The following UNK variants were observed in gnomAD, a reference collection of about 807,000 sequenced individuals.
The protein encoded by UNK is RING finger protein unkempt homolog.
In UNK, 32 loss-of-function variants were observed where a neutral mutation model predicts 97.6. The observed-to-expected ratio is 0.33, with a 90% confidence interval of 0.25 to 0.44. The LOEUF is 0.44. UNK is among the 20% of genes least tolerant of loss of function. The pLI is 1.00. For synonymous variants in UNK, 441 were observed against 461.2 expected (o/e 0.96, Z 0.56); for missense variants, 771 against 1,098.4 (o/e 0.70, Z 4.21).
intron 1 of UNK, among the ~76,000 whole-genome samples, chr17:75,803,655 T>G (rs1206949852): frequency 6.6e-6 from 1 of 152,234 alleles, no homozygotes; most frequent in African/African-American, 2.4e-5. Flanking sequence ...GTTATTGAAC[T>G]CTTAGCATCA....
At position 75,814,659 on chromosome 17, in the gene UNK, C is replaced by G. The variant is rs114098900; in HGVS notation, c.877-510C>G. 6.5e-3 allele frequency among the ~76,000 whole-genome samples: 996 copies of G among 152,264 alleles called. 12 individuals carry two copies. The highest frequency in any genetic ancestry group is 0.023 in the African/African-American group (970 of 41,544). The stretch of plus-strand genomic sequence containing the variant: ...GTGTGCCTAGGTCTTGTCTGGGGTT[C>G]AGAGAGGCACCTGCAGTCCCTGCCC... On this transcript the variant is annotated intron_variant, in intron 6 of 15. Transcript: ENST00000589666.
Position 75,813,047 on chromosome 17 carries a change from C to T in UNK, c.623-31C>T, listed in dbSNP as rs1328964437. ...TCTTGGGGTGCTCCAGCTCCTCTCACCTGACCCCTGCCCTCTGGCCCCCTG... is the reference window on the plus strand; with the variant it reads ...TCTTGGGGTGCTCCAGCTCCTCTCATCTGACCCCTGCCCTCTGGCCCCCTG... On this transcript the variant is annotated intron_variant, in intron 4 of 15. Coordinates refer to ENST00000589666, the MANE Select transcript of UNK (RefSeq NM_001080419.3). 7.0e-6 allele frequency: 11 copies of T among 1,564,084 alleles called. No individual in the cohort carries two copies. In the South Asian group the frequency reaches 1.1e-4, roughly 15 times the overall value.
At position 75,817,442 on chromosome 17, in the gene UNK, G is replaced by C; in HGVS notation, c.1221G>C (p.Leu407=). The C allele has an allele frequency of 6.2e-7, 1 of 1,613,336 alleles. No homozygotes were observed. The highest frequency in any genetic ancestry group is 1.3e-5 in the African/African-American group (1 of 75,056). ...EGIVFPGESG[L]APGSYKKAPG... ...TCGTCTTCCCTGGGGAGTCTGGCCT[G>C]GCCCCTGGCAGCTATAAGAAGGCTC... The change falls in exon 9 of 16, where the codon CTG becomes CTC. Residue 407 remains leucine (L), a synonymous_variant. Coordinates refer to ENST00000589666, the MANE Select transcript of UNK (RefSeq NM_001080419.3). The surrounding 1 kb of genome is among the most constrained non-coding windows in gnomAD (Gnocchi z 5.8).
chr17:75,805,064 C>A (rs1375723871), intron 1 of UNK, among the ~76,000 whole-genome samples: 1 of 151,286 alleles, frequency 6.6e-6, no homozygotes, highest in Non-Finnish European at 1.5e-5. Context: ...GCCTGTAATC[C>A]CAGCTACTTG....
chr17:75,813,333 C>T (rs1302482768), intron 5 of UNK, 120 bp downstream of exon 5: 21 of 1,373,882 alleles, frequency 1.5e-5, no homozygotes, highest in Non-Finnish European at 1.6e-5. Context: ...ATGACAGGAT[C>T]GCAAGCCCAG....
At chr17:75,812,425 C>T in intron 3 of UNK, 30 bp from the exon 4 acceptor site, 1 of 1,601,266 alleles carries the variant, frequency 6.2e-7, no homozygotes, top group Non-Finnish European at 8.5e-7. Context: ...GCCCCCTCTC[C>T]ACCCTCTCTG....
rs375851812 is a variant in UNK, at chr17:75,824,321, G to A, written c.2337G>A (p.Val779=). The A allele has an allele frequency of 1.2e-6, 2 of 1,604,882 alleles. No homozygotes were observed. Among genetic ancestry groups the A allele is most frequent in the Non-Finnish European group, 1.7e-6 (2 of 1,176,934 alleles). Residue 779 remains valine, a synonymous_variant, in exon 16 of 16, where the codon GTG becomes GTA. Coordinates refer to ENST00000589666, the MANE Select transcript of UNK (RefSeq NM_001080419.3). This position sits in a 1 kb window ranked among gnomAD's most constrained non-coding sequence, Gnocchi z 4.9. ...CLKCQEQKRA[V]LPCQHAALCE... is the part of the protein sequence containing the mutation. ...AGTGTCAGGAACAGAAGCGGGCAGT[G>A]CTGCCGTGCCAACACGCTGCGCTGT...
intron 1 of UNK, among the ~76,000 whole-genome samples, chr17:75,800,174 T>TCCTCCTGCCTCAG (rs2061842921): frequency 6.6e-6 from 1 of 152,074 alleles, no homozygotes; most frequent in Non-Finnish European, 1.5e-5. Flanking sequence ...GCTCAAAGAA[T>TCCTCCTGCCTCAG]CCTCCTGCCT....
At chr17:75,823,799 G>A (rs535134963) in intron 15 of UNK, among the ~76,000 whole-genome samples, 13 of 152,318 alleles carry the variant, frequency 8.5e-5, no homozygotes, top group South Asian at 8.3e-4. Flanking sequence ...CCCCAAATGC[G>A]TCCTCCTGTA....
Position 75,819,080 on chromosome 17 carries a change from T to A in UNK, c.1546+264T>A, listed in dbSNP as rs1347989358. 1 of 406,482 alleles carries A rather than the reference T, an allele frequency of 2.5e-6. No homozygotes were observed. The highest frequency in any genetic ancestry group is 2.1e-5 in the African/African-American group (1 of 48,356). The allele number at this position is 406,482 out of a possible 1,614,324, so 25.2% of individuals were successfully genotyped here. ...GTGAGTACAGTCTCACCCCAAGACG[T>A]GTTGTTCAGTCCCCACTCATCTCAC... On this transcript the variant is annotated intron_variant, in intron 11 of 15. Transcript: ENST00000589666. The surrounding 1 kb of genome is among the most constrained non-coding windows in gnomAD (Gnocchi z 5.4).
intron 13 of UNK, 60 bp from the exon 14 acceptor site, chr17:75,822,417 C>T: frequency 1.3e-6 from 2 of 1,535,440 alleles, no homozygotes; most frequent in Non-Finnish European, 1.8e-6. Flanking sequence ...TGAGGCAGGG[C>T]TGGCCAGGGC....
At chr17:75,815,365 C>G in intron 7 of UNK, 112 bp downstream of exon 7, 1 of 985,572 alleles carries the variant, frequency 1.0e-6, no homozygotes, top group Non-Finnish European at 1.5e-6. Context: ...CACAGGAGTT[C>G]TGGCCTGCCA....
At chr17:75,806,140 T>G (rs992655339) in intron 1 of UNK, among the ~76,000 whole-genome samples, 2 of 150,968 alleles carry the variant, frequency 1.3e-5, no homozygotes, top group African/African-American at 2.4e-5. Context: ...GTCTAAAATA[T>G]TTACCATCTG....
chr17:75,822,333 T>C, intron 13 of UNK, 144 bp from the exon 14 acceptor site: 1 of 1,032,044 alleles, frequency 9.7e-7, no homozygotes, highest in Non-Finnish European at 1.4e-6. Context: ...TTCCTGTCCC[T>C]GCAAAATTCT....
At chr17:75,810,049 C>A in intron 2 of UNK, 80 bp downstream of exon 2, 1 of 1,540,874 alleles carries the variant, frequency 6.5e-7, no homozygotes, top group South Asian at 1.2e-5. Context: ...TGGGCAGATT[C>A]TGGGAAGCCA....
chr17:75,819,561 G>A lies in UNK; in HGVS notation c.1547-123G>A, dbSNP rs571083498. On this transcript the variant is annotated intron_variant, in intron 11 of 15. Transcript: ENST00000589666. This position sits in a 1 kb window ranked among gnomAD's most constrained non-coding sequence, Gnocchi z 5.4. ...AGGAAGCAGCTGAAGGAAGGGCACA[G>A]GGGCTTGGGAGAATACGGACCCAGC... 1.7e-5 allele frequency: 15 copies of A among 872,474 alleles called. No individual in the cohort carries two copies. Among genetic ancestry groups the A allele is most frequent in the South Asian group, 7.8e-5 (5 of 63,870 alleles). The allele number at this position is 872,474 out of a possible 1,614,324, so 54.0% of individuals were successfully genotyped here. A position where few individuals can be genotyped will look rare whatever the true frequency, so the allele number is the denominator to read the frequency against.
chr17:75,809,428 T>A (rs898718284), intron 1 of UNK, among the ~76,000 whole-genome samples: 4 of 152,192 alleles, frequency 2.6e-5, no homozygotes, highest in African/African-American at 9.7e-5. Context: ...GCCCTTTGCC[T>A]GTGATTAGTG....
chr17:75,790,403 G>C (rs1450611433), intron 1 of UNK, among the ~76,000 whole-genome samples: 1 of 152,158 alleles, frequency 6.6e-6, no homozygotes, highest in African/African-American at 2.4e-5. Context: ...AGCTGAGGCA[G>C]GAGGATCACT....
intron 13 of UNK, chr17:75,821,657 G>C (rs1264673839): frequency 4.4e-6 from 2 of 456,628 alleles, no homozygotes; most frequent in East Asian, 6.9e-5. Context: ...GGTTGGATTA[G>C]TGGGAAAGGG....
Sources: allele counts gnomAD v4.1 joint callset (sites outside exome capture counted in the v4.1 genomes callset), GRCh38; gene constraint gnomAD v4.1.1; non-coding constraint Gnocchi (gnomAD v3.1); transcripts MANE v1.5; gene names NCBI Gene and HGNC (gene_info 2026-07-23, HGNC 2026-07-21).